The following ITIH5 variants were observed in gnomAD, a reference collection of about 807,000 sequenced individuals.
The protein encoded by ITIH5 is inter-alpha-trypsin inhibitor heavy chain H5.
A neutral mutation model predicts 77.5 loss-of-function variants in ITIH5; 65 were observed. The ratio of observed to expected loss-of-function variants is 0.84; its 90% CI spans 0.69 to 1.03. ITIH5 has a LOEUF of 1.03. Ranked by LOEUF, ITIH5 falls within the 50% of genes least tolerant of loss-of-function variation. The pLI, the probability that ITIH5 is intolerant of heterozygous loss-of-function variation, is 0.00. For synonymous variants in ITIH5, 525 were observed against 494.3 expected, an observed-to-expected ratio of 1.06 and a Z score of -0.82; for missense variants, 1,208 against 1,213.1, an observed-to-expected ratio of 1.00 and a Z score of 0.06.
At chr10:7,588,755 G>C (rs1354493131) in intron 7 of ITIH5, among the ~76,000 whole-genome samples, 2 of 152,210 alleles carry the variant, frequency 1.3e-5, no homozygotes, top group Non-Finnish European at 2.9e-5. Context: ...GCATTTCCCG[G>C]GAGCTTCCTA....
intron 9 of ITIH5, among the ~76,000 whole-genome samples, chr10:7,579,461 G>A (rs1159582528): frequency 6.6e-6 from 1 of 151,996 alleles, no homozygotes; most frequent in East Asian, 1.9e-4. Context: ...GGAAGCAGAG[G>A]TTGCAGTGAG....
At chr10:7,596,784 G>T (rs1214373414) in intron 7 of ITIH5, among the ~76,000 whole-genome samples, 1 of 152,018 alleles carries the variant, frequency 6.6e-6, no homozygotes, top group African/African-American at 2.4e-5. Context: ...GCTCATGCCT[G>T]TAATCTTTGG....
chr10:7,636,973 C>A (rs1388832504), intron 5 of ITIH5, among the ~76,000 whole-genome samples: 2 of 152,156 alleles, frequency 1.3e-5, no homozygotes, highest in Non-Finnish European at 2.9e-5. Flanking sequence ...ATCGCTTGAA[C>A]ACGGGAGGCG....
intron 3 of ITIH5, among the ~76,000 whole-genome samples, chr10:7,641,561 GA>G (rs1833884981): frequency 6.8e-6 from 1 of 148,086 alleles, no homozygotes; most frequent in African/African-American, 2.5e-5. Flanking sequence ...AAAGAGGAAA[GA>G]AAGAAAGGAA....
At chr10:7,601,326 G>A (rs1032595944) in intron 7 of ITIH5, among the ~76,000 whole-genome samples, 1 of 152,126 alleles carries the variant, frequency 6.6e-6, no homozygotes, top group Non-Finnish European at 1.5e-5. Flanking sequence ...GGGGTTCTTG[G>A]AGGTCAAGAA....
chr10:7,569,543 T>G, intron 12 of ITIH5, 125 bp downstream of exon 12: 1 of 593,436 alleles, frequency 1.7e-6, no homozygotes, highest in Non-Finnish European at 3.0e-6. Context: ...CCTTAACCAC[T>G]GACGATACTC....
Position 7,640,837 on chromosome 10 carries a change from C to T in ITIH5, c.318G>A (p.Val106=), listed in dbSNP as rs754057210. The part of the protein sequence containing the change: ...TNFTMLIGDK[V]YQGEITEREK... ...CTCTCTCTGTAATTTCGCCCTGATA[C>T]ACCTTGTCTCCAATAAGCCTGAAAT... The change falls in exon 4 of 14, where the codon GTG becomes GTA. Residue 106 remains valine, a synonymous_variant. Transcript: ENST00000397146. 9 of 1,612,156 alleles carry T rather than the reference C, an allele frequency of 5.6e-6. No individual in the cohort carries two copies. Among genetic ancestry groups the T allele is most frequent in the Non-Finnish European group, 7.6e-6 (9 of 1,178,286 alleles).
chr10:7,605,728 A>G (rs1833111570), intron 7 of ITIH5, among the ~76,000 whole-genome samples: 1 of 152,206 alleles, frequency 6.6e-6, no homozygotes, highest in Non-Finnish European at 1.5e-5. Flanking sequence ...CCAAGACTAC[A>G]CAATCCCTGA....
chr10:7,597,267 G>A (rs930833147), intron 7 of ITIH5, among the ~76,000 whole-genome samples: 24 of 152,096 alleles, frequency 1.6e-4, no homozygotes, highest in African/African-American at 5.8e-4. Context: ...GAGGGGGCAG[G>A]TGTCTGTACT....
rs1202961808 is a variant in ITIH5, at chr10:7,561,198, T to C, written c.*1885A>G. On this transcript the variant is annotated 3_prime_UTR_variant, in exon 14 of 14. Coordinates refer to ENST00000397146, the MANE Select transcript of ITIH5 (RefSeq NM_030569.7). The stretch of plus-strand genomic sequence containing the variant: ...CTATGGATAGCTCATTGGAATGTTT[T>C]TCTCAGCTCTTAAAGTAGCAACACA... 1 of 152,276 alleles carries C rather than the reference T, an allele frequency of 6.6e-6. No individual in the cohort carries two copies. Among genetic ancestry groups the C allele is most frequent in the Non-Finnish European group, 1.5e-5 (1 of 68,056 alleles). 9.4% of individuals were successfully genotyped at this position (152,276 alleles called of 1,614,324 possible). A position where few individuals can be genotyped will look rare whatever the true frequency, so the allele number is the denominator to read the frequency against.
chr10:7,644,886 ACATATATATATCACATATATATAT>A (rs1833980829), intron 2 of ITIH5, among the ~76,000 whole-genome samples: 1 of 100,350 alleles, frequency 1.0e-5, no homozygotes, highest in Non-Finnish European at 2.0e-5. Context: ...TATATATATC[ACATATATATATCACATATATATAT>A]CACATATATA....
At chr10:7,634,231 C>G (rs570701607) in intron 5 of ITIH5, among the ~76,000 whole-genome samples, 74 of 152,186 alleles carry the variant, frequency 4.9e-4, no homozygotes, top group African/African-American at 1.7e-3. Context: ...ACCTCATTCA[C>G]ACAATCATAG....
chr10:7,569,616 G>A, intron 12 of ITIH5, 52 bp downstream of exon 12: 2 of 1,143,044 alleles, frequency 1.7e-6, no homozygotes, highest in Non-Finnish European at 2.5e-6. Flanking sequence ...AGAGGGGGAT[G>A]CAGTACCTAC....
At chr10:7,644,852 C>A (rs1169200257) in intron 2 of ITIH5, among the ~76,000 whole-genome samples, 1 of 129,112 alleles carries the variant, frequency 7.7e-6, no homozygotes, top group Non-Finnish European at 1.6e-5. Context: ...ATATATATCA[C>A]ATATGTATCA....
Position 7,635,904 on chromosome 10 carries a change from C to T in ITIH5, c.652+1324G>A, listed in dbSNP as rs545853218. On this transcript the variant is annotated intron_variant, in intron 5 of 13. Coordinates refer to ENST00000397146, the MANE Select transcript of ITIH5 (RefSeq NM_030569.7). Reference sequence around the variant, plus strand: ...CTGGGTCATTCTATGATTGTGCAGCCGCAGGCACTGAATACAGATTCTGCA... The same window carrying T: ...CTGGGTCATTCTATGATTGTGCAGCTGCAGGCACTGAATACAGATTCTGCA... Among the ~76,000 whole-genome samples, 24 of 152,238 alleles carry T rather than the reference C, an allele frequency of 1.6e-4. 1 individual carries two copies. The highest frequency in any genetic ancestry group is 1.2e-3 in the Admixed American group (19 of 15,280).
chr10:7,638,445 C>T (rs896326626), intron 4 of ITIH5, among the ~76,000 whole-genome samples: 22 of 152,180 alleles, frequency 1.4e-4, no homozygotes, highest in Admixed American at 5.2e-4. Context: ...ACAGAGAAAA[C>T]GTAAAAGTGA....
rs541001933 is a variant in ITIH5, at chr10:7,585,983, T to A, written c.1026A>T (p.Val342=). 6.2e-7 allele frequency: 1 copy of A among 1,614,028 alleles called. No individual in the cohort carries two copies. The highest frequency in any genetic ancestry group is 1.3e-5 in the African/African-American group (1 of 74,912). Residue 342 remains valine (V), a synonymous_variant, in exon 8 of 14, where the codon GTA becomes GTT. Transcript: ENST00000397146. ...SIIGFSNRIK[V]WKDHLISVTP... Reference sequence around the variant, plus strand: ...TGACTGATATCAAGTGGTCCTTCCATACTTTGATCCGGTTGGAAAATCCAA... The same window carrying A: ...TGACTGATATCAAGTGGTCCTTCCAAACTTTGATCCGGTTGGAAAATCCAA...
At chr10:7,641,749 G>T (rs1833892618) in intron 3 of ITIH5, among the ~76,000 whole-genome samples, 178 bp downstream of exon 3, 1 of 151,118 alleles carries the variant, frequency 6.6e-6, no homozygotes, top group Admixed American at 6.6e-5. Context: ...AAGAAGAAAA[G>T]GAATGAATGA....
At chr10:7,636,124 T>C (rs1735859468) in intron 5 of ITIH5, among the ~76,000 whole-genome samples, 1 of 152,120 alleles carries the variant, frequency 6.6e-6, no homozygotes, top group South Asian at 2.1e-4. Context: ...GAAATTCATA[T>C]AGTAACTAAA....
Sources: allele counts gnomAD v4.1 joint callset (sites outside exome capture counted in the v4.1 genomes callset), GRCh38; gene constraint gnomAD v4.1.1; transcripts MANE v1.5; gene names NCBI Gene and HGNC (gene_info 2026-07-23, HGNC 2026-07-21).